Variants in TUSC1 observed in about 807,000 individuals in gnomAD.
The protein encoded by TUSC1 is tumor suppressor candidate 1, also known as tumor suppressor candidate gene 1 protein.
A neutral mutation model predicts 5.2 loss-of-function variants in TUSC1; 8 were observed. The observed-to-expected ratio is 1.54, with a 90% CI of 0.90 to 2.77. The LOEUF is 2.77. Ranked by LOEUF, TUSC1 falls within the 30% of genes most tolerant of loss-of-function variation. TUSC1 has a pLI of 0.00. For missense variants in TUSC1, 442 were observed against 324.2 expected (o/e 1.36, Z -2.79); for synonymous variants, 192 against 144.2 (o/e 1.33, Z -2.37).
Position 25,678,365 on chromosome 9 carries a change from C to G in TUSC1, c.-53G>C. ...CCCGTGGGCTGAGGGGCCGCGCGGC[C>G]AGGCGCGGGCAAGTTCGGGGCTGGC... is the stretch of plus-strand genomic sequence containing the variant. On this transcript the variant is annotated 5_prime_UTR_variant, in exon 1 of 1. Transcript: ENST00000358022. 7.5e-7 allele frequency: 1 copy of G among 1,341,986 alleles called. No homozygotes were observed. Among genetic ancestry groups the G allele is most frequent in the East Asian group, 3.4e-5 (1 of 29,734 alleles). 83.1% of individuals were successfully genotyped at this position (1,341,986 alleles called of 1,614,324 possible).
chr9:25,678,043 G>T lies in TUSC1; in HGVS notation c.270C>A (p.Asn90Lys). ...DRQNARLRQE[N>K]ARLRLENRRL... ...GCCGGTTCTCGAGCCGCAGCCGGGC[G>T]TTCTCCTGACGCAGCCGCGCGTTCT... Residue 90 changes from asparagine to lysine, a missense_variant, in exon 1 of 1, where the codon AAC becomes AAA. Asn to Lys is a moderately conservative substitution (Grantham distance 94). Transcript: ENST00000358022. The T allele has an allele frequency of 6.3e-7, 1 of 1,580,764 alleles. No individual in the cohort carries two copies. The highest frequency in any genetic ancestry group is 8.5e-7 in the Non-Finnish European group (1 of 1,169,868).
Position 25,677,588 on chromosome 9 carries a change from G to C in TUSC1, c.*95C>G. Reference sequence around the variant, plus strand: ...CGTAGTCCAAGGTATCCGCGGGCAGGGAGCGGGCCAGGGCGTGCGCGAGGT... The same window carrying C: ...CGTAGTCCAAGGTATCCGCGGGCAGCGAGCGGGCCAGGGCGTGCGCGAGGT... On this transcript the variant is annotated 3_prime_UTR_variant, in exon 1 of 1. Transcript: ENST00000358022. The C allele has an allele frequency of 1.4e-6, 2 of 1,434,756 alleles. No homozygotes were observed. The highest frequency in any genetic ancestry group is 1.8e-6 in the Non-Finnish European group (2 of 1,099,152). 88.9% of individuals were successfully genotyped at this position (1,434,756 alleles called of 1,614,324 possible).
chr9:25,677,777 G>T lies in TUSC1; in HGVS notation c.536C>A (p.Pro179Gln). The T allele has an allele frequency of 6.3e-7, 1 of 1,584,778 alleles. No homozygotes were observed. The highest frequency in any genetic ancestry group is 8.6e-7 in the Non-Finnish European group (1 of 1,166,346). ...CTCCTCCTTGTCCCCGCTCGGACGTGGTCCCCGCTGCTCGAGGTGCAGCTG... is the reference window on the plus strand; with the variant it reads ...CTCCTCCTTGTCCCCGCTCGGACGTTGTCCCCGCTGCTCGAGGTGCAGCTG... Reference protein sequence around the residue: ...LLQLHLEQRGPRPSGDKEEQP... With the variant: ...LLQLHLEQRGQRPSGDKEEQP... The change falls in exon 1 of 1, where the codon CCA becomes CAA. Residue 179 changes from proline (P) to glutamine (Q), a missense_variant. Physicochemically the swap from Pro to Gln is moderately conservative, Grantham distance 76. Transcript: ENST00000358022.
In TUSC1 at chr9:25,677,774, C is replaced by T. The variant is rs769238561; in HGVS notation, c.539G>A (p.Arg180His). The change falls in exon 1 of 1, where the codon CGT becomes CAT. Residue 180 changes from arginine to histidine, a missense_variant. Coordinates refer to ENST00000358022, the MANE Select transcript of TUSC1 (RefSeq NM_001004125.3). ...LQLHLEQRGP[R>H]PSGDKEEQPL... ...CTGCTCCTCCTTGTCCCCGCTCGGA[C>T]GTGGTCCCCGCTGCTCGAGGTGCAG... The T allele has an allele frequency of 6.3e-7, 1 of 1,583,732 alleles. No homozygotes were observed. Among genetic ancestry groups the T allele is most frequent in the South Asian group, 1.1e-5 (1 of 87,210 alleles).
Position 25,678,040 on chromosome 9 carries a change from G to GGCGTTCTCCTGACGCAGCCGC in TUSC1, c.252_272dup (p.Gln88_Arg94dup), listed in dbSNP as rs747819010. 3 of 1,579,486 alleles carry GGCGTTCTCCTGACGCAGCCGC rather than the reference G, an allele frequency of 1.9e-6. No homozygotes were observed. The highest frequency in any genetic ancestry group is 2.3e-5 in the East Asian group (1 of 43,606). ...GCCGCCGGTTCTCGAGCCGCAGCCG[G>GGCGTTCTCCTGACGCAGCCGC]GCGTTCTCCTGACGCAGCCGCGCGT... On this transcript the variant is annotated inframe_insertion, in exon 1 of 1. Transcript: ENST00000358022.
chr9:25,677,467 T>TG lies in TUSC1; in HGVS notation c.*215dup. ...GCAAGAGGCAGGGGAACTGTACATG[T>TG]GGGAGGTCCTGAGGGCCCTTGCACC... On this transcript the variant is annotated 3_prime_UTR_variant, in exon 1 of 1. Transcript: ENST00000358022. 1 of 801,624 alleles carries TG rather than the reference T, an allele frequency of 1.2e-6. No individual in the cohort carries two copies. The highest frequency in any genetic ancestry group is 1.9e-6 in the Non-Finnish European group (1 of 530,104). The allele number at this position is 801,624 out of a possible 1,614,324, so 49.7% of individuals were successfully genotyped here. A position where few individuals can be genotyped will look rare whatever the true frequency, so the allele number is the denominator to read the frequency against.
At position 25,677,315 on chromosome 9, in the gene TUSC1, C is replaced by A. The variant is rs898954971; in HGVS notation, c.*368G>T. Reference sequence around the variant, plus strand: ...CCAAAATACAGGAAAAAAAAAAATACAACAGGTTCGCACAACATCCAGAAA... The same window carrying A: ...CCAAAATACAGGAAAAAAAAAAATAAAACAGGTTCGCACAACATCCAGAAA... On this transcript the variant is annotated 3_prime_UTR_variant, in exon 1 of 1. Transcript: ENST00000358022. 1 of 242,048 alleles carries A rather than the reference C, an allele frequency of 4.1e-6. No homozygotes were observed. The highest frequency in any genetic ancestry group is 2.2e-5 in the African/African-American group (1 of 44,686). The allele number at this position is 242,048 out of a possible 1,614,324, so 15.0% of individuals were successfully genotyped here.
chr9:25,677,499 A>T lies in TUSC1; in HGVS notation c.*184T>A. On this transcript the variant is annotated 3_prime_UTR_variant, in exon 1 of 1. Coordinates refer to ENST00000358022, the MANE Select transcript of TUSC1 (RefSeq NM_001004125.3). ...TCCTGAGGGCCCTTGCACCCACTCGACCTCCACCAAGCGGATGGCCAAGCG... is the reference window on the plus strand; with the variant it reads ...TCCTGAGGGCCCTTGCACCCACTCGTCCTCCACCAAGCGGATGGCCAAGCG... The T allele has an allele frequency of 8.4e-7, 1 of 1,188,562 alleles. No individual in the cohort carries two copies. The highest frequency in any genetic ancestry group is 1.1e-6 in the Non-Finnish European group (1 of 877,428). 73.6% of individuals were successfully genotyped at this position (1,188,562 alleles called of 1,614,324 possible).
At position 25,677,523 on chromosome 9, in the gene TUSC1, C is replaced by T; in HGVS notation, c.*160G>A. On this transcript the variant is annotated 3_prime_UTR_variant, in exon 1 of 1. Coordinates refer to ENST00000358022, the MANE Select transcript of TUSC1 (RefSeq NM_001004125.3). The stretch of plus-strand genomic sequence containing the variant: ...GACCTCCACCAAGCGGATGGCCAAG[C>T]GCCACCCGGAAGTGTCCACTGGTGG... The T allele has an allele frequency of 1.5e-6, 2 of 1,367,054 alleles. No individual in the cohort carries two copies. The highest frequency in any genetic ancestry group is 1.9e-6 in the Non-Finnish European group (2 of 1,039,898). The allele number at this position is 1,367,054 out of a possible 1,614,324, so 84.7% of individuals were successfully genotyped here. A position where few individuals can be genotyped will look rare whatever the true frequency, so the allele number is the denominator to read the frequency against.
In TUSC1 at chr9:25,678,262, C is replaced by T. The variant is rs545286489; in HGVS notation, c.51G>A (p.Gly17=). The change falls in exon 1 of 1, where the codon GGG becomes GGA. Residue 17 remains glycine, a synonymous_variant. Coordinates refer to ENST00000358022, the MANE Select transcript of TUSC1 (RefSeq NM_001004125.3). ...GCCCTCGGCCGTCCGCAGCACCGTC[C>T]CCGCCGCAGCAACTCCCGCGCCTAG... The part of the protein sequence containing the change: ...GATRRGSCCG[G]DGAADGRGPG... 6.9e-7 allele frequency: 1 copy of T among 1,457,840 alleles called. No individual in the cohort carries two copies. The highest frequency in any genetic ancestry group is 9.0e-7 in the Non-Finnish European group (1 of 1,107,522). The allele number at this position is 1,457,840 out of a possible 1,614,324, so 90.3% of individuals were successfully genotyped here.
rs759301613 is a variant in TUSC1, at chr9:25,678,046, C to T, written c.267G>A (p.Glu89=). 6.3e-7 allele frequency: 1 copy of T among 1,582,258 alleles called. No homozygotes were observed. The highest frequency in any genetic ancestry group is 1.1e-5 in the South Asian group (1 of 87,400). ...GGTTCTCGAGCCGCAGCCGGGCGTT[C>T]TCCTGACGCAGCCGCGCGTTCTGCC... ...WDRQNARLRQ[E]NARLRLENRR... The change falls in exon 1 of 1, where the codon GAG becomes GAA. Residue 89 remains glutamate (E), a synonymous_variant. Transcript: ENST00000358022.
Position 25,677,565 on chromosome 9 carries a change from T to TAG in TUSC1, c.*116_*117dup, listed in dbSNP as rs925991348. 1.4e-6 allele frequency: 2 copies of TAG among 1,431,788 alleles called. No individual in the cohort carries two copies. Among genetic ancestry groups the TAG allele is most frequent in the Admixed American group, 5.7e-5 (2 of 34,884 alleles). The allele number at this position is 1,431,788 out of a possible 1,614,324, so 88.7% of individuals were successfully genotyped here. ...CACTGGTGGGGGCGGGAAGGCACCGTAGTCCAAGGTATCCGCGGGCAGGGA... is the reference window on the plus strand; with the variant it reads ...CACTGGTGGGGGCGGGAAGGCACCGTAGAGTCCAAGGTATCCGCGGGCAGGGA... On this transcript the variant is annotated 3_prime_UTR_variant, in exon 1 of 1. Coordinates refer to ENST00000358022, the MANE Select transcript of TUSC1 (RefSeq NM_001004125.3).
chr9:25,678,350 G>A lies in TUSC1; in HGVS notation c.-38C>T. 6 of 1,361,072 alleles carry A rather than the reference G, an allele frequency of 4.4e-6. No homozygotes were observed. The highest frequency in any genetic ancestry group is 5.7e-6 in the Non-Finnish European group (6 of 1,054,852). 84.3% of individuals were successfully genotyped at this position (1,361,072 alleles called of 1,614,324 possible). ...AACCGCGCCGCCAGCCCCGTGGGCT[G>A]AGGGGCCGCGCGGCCAGGCGCGGGC... On this transcript the variant is annotated 5_prime_UTR_variant, in exon 1 of 1. Coordinates refer to ENST00000358022, the MANE Select transcript of TUSC1 (RefSeq NM_001004125.3).
Position 25,678,381 on chromosome 9 carries a change from CG to C in TUSC1, c.-70del. 1 of 1,315,090 alleles carries C rather than the reference CG, an allele frequency of 7.6e-7. No homozygotes were observed. The highest frequency in any genetic ancestry group is 1.8e-5 in the South Asian group (1 of 54,540). The allele number at this position is 1,315,090 out of a possible 1,614,324, so 81.5% of individuals were successfully genotyped here. The stretch of plus-strand genomic sequence containing the variant: ...CCGCGCGGCCAGGCGCGGGCAAGTT[CG>C]GGGCTGGCAGGGCGGCCGGGGTGAC... On this transcript the variant is annotated 5_prime_UTR_variant, in exon 1 of 1. Coordinates refer to ENST00000358022, the MANE Select transcript of TUSC1 (RefSeq NM_001004125.3).
chr9:25,678,195 C>T lies in TUSC1; in HGVS notation c.118G>A (p.Gly40Ser). Residue 40 changes from glycine (G) to serine (S), a missense_variant, in exon 1 of 1, where the codon GGC becomes AGC. Transcript: ENST00000358022. The part of the protein sequence containing the change: ...GRARGGGSPS[G>S]GGGGVGWRGR... ...CGCCAGCCCACGCCGCCGCCGCCGC[C>T]GCTGGGGCTGCCCCCACCACGAGCC... 7.3e-7 allele frequency: 1 copy of T among 1,374,502 alleles called. No individual in the cohort carries two copies. The highest frequency in any genetic ancestry group is 9.3e-7 in the Non-Finnish European group (1 of 1,071,574). 85.1% of individuals were successfully genotyped at this position (1,374,502 alleles called of 1,614,324 possible).
Position 25,677,301 on chromosome 9 carries a change from GA to G in TUSC1, c.*381del, listed in dbSNP as rs74174596. 0.21 allele frequency: 42,881 copies of G among 202,448 alleles called. 3,789 individuals are homozygous for G. Among genetic ancestry groups the G allele is most frequent in the African/African-American group, 0.28 (11,959 of 42,560 alleles). 12.5% of individuals were successfully genotyped at this position (202,448 alleles called of 1,614,324 possible). On this transcript the variant is annotated 3_prime_UTR_variant, in exon 1 of 1. Coordinates refer to ENST00000358022, the MANE Select transcript of TUSC1 (RefSeq NM_001004125.3). ...CTCATCCCTCAGAACCAAAATACAG[GA>G]AAAAAAAAAATACAACAGGTTCGCA...
chr9:25,677,754 C>A lies in TUSC1; in HGVS notation c.559G>T (p.Glu187Ter). Residue 187 changes from glutamate (E) to a stop codon, truncating the protein, a stop_gained, in exon 1 of 1, where the codon GAG (glutamate) becomes TAG (stop). Coordinates refer to ENST00000358022, the MANE Select transcript of TUSC1 (RefSeq NM_001004125.3). LOFTEE classifies it low-confidence loss of function (END_TRUNC). ...GAGTCGGGTTCCTGTAGAGGCTGCT[C>A]CTCCTTGTCCCCGCTCGGACGTGGT... ...RGPRPSGDKE[E>*]QPLQEPDSGL... 6.3e-7 allele frequency: 1 copy of A among 1,579,526 alleles called. No individual in the cohort carries two copies. Among genetic ancestry groups the A allele is most frequent in the Non-Finnish European group, 8.6e-7 (1 of 1,163,392 alleles).
chr9:25,678,389 G>A lies in TUSC1; in HGVS notation c.-77C>T. 7.8e-7 allele frequency: 1 copy of A among 1,289,436 alleles called. No individual in the cohort carries two copies. Among genetic ancestry groups the A allele is most frequent in the Non-Finnish European group, 9.9e-7 (1 of 1,005,338 alleles). The allele number at this position is 1,289,436 out of a possible 1,614,324, so 79.9% of individuals were successfully genotyped here. On this transcript the variant is annotated 5_prime_UTR_variant, in exon 1 of 1. Coordinates refer to ENST00000358022, the MANE Select transcript of TUSC1 (RefSeq NM_001004125.3). ...CCAGGCGCGGGCAAGTTCGGGGCTGGCAGGGCGGCCGGGGTGACGACGGAG... is the reference window on the plus strand; with the variant it reads ...CCAGGCGCGGGCAAGTTCGGGGCTGACAGGGCGGCCGGGGTGACGACGGAG...
At position 25,678,382 on chromosome 9, in the gene TUSC1, G is replaced by A. The variant is rs1451048530; in HGVS notation, c.-70C>T. The A allele has an allele frequency of 1.5e-6, 2 of 1,304,456 alleles. No homozygotes were observed. The highest frequency in any genetic ancestry group is 3.2e-5 in the African/African-American group (2 of 62,794). The allele number at this position is 1,304,456 out of a possible 1,614,324, so 80.8% of individuals were successfully genotyped here. A position where few individuals can be genotyped will look rare whatever the true frequency, so the allele number is the denominator to read the frequency against. On this transcript the variant is annotated 5_prime_UTR_variant, in exon 1 of 1. Coordinates refer to ENST00000358022, the MANE Select transcript of TUSC1 (RefSeq NM_001004125.3). ...CGCGCGGCCAGGCGCGGGCAAGTTC[G>A]GGGCTGGCAGGGCGGCCGGGGTGAC...
Sources: allele counts gnomAD v4.1 joint callset, GRCh38; gene constraint gnomAD v4.1.1; transcripts MANE v1.5; gene names NCBI Gene and HGNC (gene_info 2026-07-23, HGNC 2026-07-21).